UBR3: variants seen among roughly 807,000 people sequenced by gnomAD.
The protein encoded by UBR3 is ubiquitin protein ligase E3 component n-recognin 3.
Under a neutral mutation model 243.2 loss-of-function variants are expected in UBR3, and 85 were observed. The observed-to-expected ratio is 0.35, with a 90% CI of 0.29 to 0.42. The LOEUF (loss-of-function observed/expected upper bound fraction) is 0.42, where lower values mean the gene tolerates loss of function less well. UBR3 is among the 10% of genes least tolerant of loss of function. The pLI is 1.00. For synonymous variants in UBR3, 748 were observed against 799.8 expected, an observed-to-expected ratio of 0.94 and a Z score of 1.09; for missense variants, 1,686 against 2,300.8, an observed-to-expected ratio of 0.73 and a Z score of 5.47.
chr2:170,054,611 G>T (rs939911425), intron 32 of UBR3, among the ~76,000 whole-genome samples: 4 of 151,994 alleles, frequency 2.6e-5, no homozygotes, highest in African/African-American at 9.7e-5. Context: ...AATTTTTGTA[G>T]AGAGGGGGTC....
At chr2:170,066,161 A>G (rs1018400241) in intron 35 of UBR3, among the ~76,000 whole-genome samples, 2 of 152,142 alleles carry the variant, frequency 1.3e-5, no homozygotes, top group African/African-American at 4.8e-5. Context: ...TTAATCAAAC[A>G]TTTTGTTAAG....
chr2:170,045,168 C>A (rs1265798086), intron 32 of UBR3, among the ~76,000 whole-genome samples: 1 of 152,084 alleles, frequency 6.6e-6, no homozygotes, highest in African/African-American at 2.4e-5. Context: ...GCACGTCTTA[C>A]ATGGTAGCAG....
intron 1 of UBR3, among the ~76,000 whole-genome samples, chr2:169,859,938 G>C (rs6718583): frequency 0.98 from 149,064 of 152,182 alleles, 73,059 homozygotes; most frequent in South Asian, 1. Flanking sequence ...AAGATGTTCT[G>C]GATCTCCTGA....
chr2:169,975,381 A>C (rs373054150), intron 24 of UBR3, among the ~76,000 whole-genome samples: 96 of 152,216 alleles, frequency 6.3e-4, no homozygotes, highest in Non-Finnish European at 1.2e-3. Context: ...AACGTGATCT[A>C]TCCTGGAAAA....
Position 169,979,946 on chromosome 2 carries a change from T to C in UBR3, c.3635-6699T>C, listed in dbSNP as rs181765014. Among the ~76,000 whole-genome samples the C allele has an allele frequency of 4.6e-5, 7 of 152,272 alleles. No individual in the cohort carries two copies. In the East Asian group the frequency reaches 1.2e-3, roughly 25 times the overall value. ...TGGAATGCAGACTATGACAGGAGAA[T>C]ATAACTGTATTACAGATGTATGAAC... is the stretch of plus-strand genomic sequence containing the variant. On this transcript the variant is annotated intron_variant, in intron 24 of 38. Coordinates refer to ENST00000272793, the MANE Select transcript of UBR3 (RefSeq NM_172070.4).
chr2:170,060,161 T>G (rs1398516540), intron 33 of UBR3, among the ~76,000 whole-genome samples: 1 of 152,168 alleles, frequency 6.6e-6, no homozygotes, highest in East Asian at 1.9e-4. Context: ...AGTTAATAAG[T>G]AGAATAAAGG....
intron 32 of UBR3, among the ~76,000 whole-genome samples, chr2:170,050,751 A>AT (rs2091197984): frequency 6.6e-6 from 1 of 152,290 alleles, no homozygotes; most frequent in East Asian, 1.9e-4. Context: ...CATGTGAGAG[A>AT]TTCCTTGTTT....
chr2:170,013,199 C>T (rs915107907), intron 29 of UBR3, among the ~76,000 whole-genome samples: 5 of 152,042 alleles, frequency 3.3e-5, no homozygotes, highest in African/African-American at 7.2e-5. Flanking sequence ...TTTCAGCAGT[C>T]GGACATGGGA....
intron 26 of UBR3, among the ~76,000 whole-genome samples, chr2:169,996,370 G>A (rs1007000436): frequency 6.6e-6 from 1 of 152,152 alleles, no homozygotes; most frequent in Non-Finnish European, 1.5e-5. Context: ...CTGTAAAATA[G>A]GGCTGATAAT....
chr2:169,898,235 G>A (rs954608822), intron 8 of UBR3, among the ~76,000 whole-genome samples: 2 of 152,148 alleles, frequency 1.3e-5, no homozygotes, highest in Non-Finnish European at 2.9e-5. Flanking sequence ...GCCTCTTTGT[G>A]CATATCAGCT....
intron 36 of UBR3, among the ~76,000 whole-genome samples, chr2:170,075,881 TAAAATAAGGAAAACCAAAGCAA>T (rs550297768): frequency 6.7e-6 from 1 of 149,538 alleles, no homozygotes; most frequent in South Asian, 2.1e-4. Context: ...AGTTCTGATT[TAAAATAAGGAAAACCAAAGCAA>T]ACTATGACAG....
intron 1 of UBR3, among the ~76,000 whole-genome samples, chr2:169,832,608 G>A (rs1365028437): frequency 6.7e-6 from 1 of 150,052 alleles, no homozygotes; most frequent in Non-Finnish European, 1.5e-5. Context: ...CTACAGTTTT[G>A]CCACTAGTGA....
intron 1 of UBR3, among the ~76,000 whole-genome samples, chr2:169,869,145 C>T: frequency 7.2e-6 from 1 of 138,258 alleles, no homozygotes; most frequent in African/African-American, 2.7e-5. Context: ...GTGTTGTGTG[C>T]TTTACTCACA....
chr2:170,073,274 CTCT>C, intron 35 of UBR3, 151 bp from the exon 36 acceptor site: 1 of 741,904 alleles, frequency 1.3e-6, no homozygotes, highest in East Asian at 2.7e-5. Flanking sequence ...ACCTTTTTCT[CTCT>C]TGTTTCTCTT....
At chr2:169,892,635 T>G (rs2084420227) in intron 6 of UBR3, among the ~76,000 whole-genome samples, 2 of 152,208 alleles carry the variant, frequency 1.3e-5, no homozygotes, top group African/African-American at 4.8e-5. Flanking sequence ...AAGGAATGGC[T>G]TTGTGAATTA....
intron 1 of UBR3, among the ~76,000 whole-genome samples, chr2:169,856,700 C>T (rs1453042611): frequency 6.6e-6 from 1 of 152,120 alleles, no homozygotes; most frequent in Non-Finnish European, 1.5e-5. Flanking sequence ...GGCATGGCGG[C>T]GCGCGCCTGC....
At chr2:169,837,375 C>T (rs954709418) in intron 1 of UBR3, among the ~76,000 whole-genome samples, 11 of 152,156 alleles carry the variant, frequency 7.2e-5, no homozygotes, top group African/African-American at 2.7e-4. Flanking sequence ...TCTCGGGAGG[C>T]TGAGGCAAGA....
At chr2:169,868,568 C>T (rs1344879726) in intron 1 of UBR3, among the ~76,000 whole-genome samples, 1 of 152,226 alleles carries the variant, frequency 6.6e-6, no homozygotes, top group East Asian at 1.9e-4. Context: ...GCCTTGGCCT[C>T]CCAAAGTACT....
chr2:170,050,158 C>T (rs2091184303), intron 32 of UBR3, among the ~76,000 whole-genome samples: 1 of 152,136 alleles, frequency 6.6e-6, no homozygotes, highest in Non-Finnish European at 1.5e-5. Context: ...TCTTTTTAAA[C>T]CGTTTGGATT....
Sources: gnomAD v4.1 joint callset for allele counts (sites outside exome capture counted in the v4.1 genomes callset) on GRCh38, gnomAD v4.1.1 for gene constraint, MANE v1.5 for transcripts, NCBI Gene and HGNC (gene_info 2026-07-23, HGNC 2026-07-21) for gene names.